SSX1: variants seen among roughly 807,000 people sequenced by gnomAD.
The protein encoded by SSX1 is SSX family member 1.
In SSX1, 58 loss-of-function variants were observed where a neutral mutation model predicts 14.6. The observed-to-expected ratio is 3.96, with a 90% CI of 3.21 to 4.93. The LOEUF (loss-of-function observed/expected upper bound fraction) is 4.93, where lower values mean the gene tolerates loss of function less well. SSX1 is among the 30% of genes most tolerant of loss of function. The pLI is 0.00. For synonymous variants in SSX1, 46 were observed against 52.1 expected (o/e 0.88, Z 0.50); for missense variants, 272 against 143.1 (o/e 1.90, Z -4.60).
intron 5 of SSX1, among the ~76,000 whole-genome samples, chrX:48,262,038 A>C (rs1556935569): frequency 2.7e-5 from 3 of 112,067 alleles, no homozygotes; most frequent in Non-Finnish European, 3.8e-5. Context: ...TAAGCAGTTC[A>C]CATGGATTAA....
At chrX:48,263,673 G>A (rs782236819) in intron 5 of SSX1, 109 bp from the exon 6 acceptor site, 129 of 1,059,059 alleles carry the variant, frequency 1.2e-4, no homozygotes, top group South Asian at 1.2e-3. Flanking sequence ...CTCTCCCCGC[G>A]TTGTTGAGAA....
At chrX:48,266,038 G>A (rs1436611405) in intron 6 of SSX1, among the ~76,000 whole-genome samples, 2 of 111,874 alleles carry the variant, frequency 1.8e-5, no homozygotes, top group African/African-American at 3.2e-5. Flanking sequence ...GAATGTTCCC[G>A]TAAGTGAAGA....
At chrX:48,259,541 G>A (rs137952376) in intron 4 of SSX1, among the ~76,000 whole-genome samples, 66 of 110,536 alleles carry the variant, frequency 6.0e-4, no homozygotes, top group African/African-American at 1.6e-3. Context: ...ATGCTGGTGC[G>A]CTGCACCCAT....
chrX:48,267,350 A>G lies in SSX1; in HGVS notation c.*501A>G, dbSNP rs1422100771. 1 of 192,094 alleles carries G rather than the reference A, an allele frequency of 5.2e-6. No individual in the cohort carries two copies. The highest frequency in any genetic ancestry group is 6.9e-5 in the Admixed American group (1 of 14,578). 15.8% of individuals were successfully genotyped at this position (192,094 alleles called of 1,213,427 possible). A position where few individuals can be genotyped will look rare whatever the true frequency, so the allele number is the denominator to read the frequency against. The stretch of plus-strand genomic sequence containing the variant: ...TTCCCATTGCCATGCGTCCTGGTCA[A>G]GCCCCCCTCACTCTGTTTCCTGTTC... On this transcript the variant is annotated 3_prime_UTR_variant, in exon 8 of 8. Coordinates refer to ENST00000376919, the MANE Select transcript of SSX1 (RefSeq NM_005635.4).
intron 6 of SSX1, 46 bp from the exon 7 acceptor site, chrX:48,266,241 T>A: frequency 3.3e-6 from 4 of 1,209,430 alleles, no homozygotes; most frequent in Non-Finnish European, 4.5e-6. Flanking sequence ...AGCCTAACAC[T>A]CTTCAACGTA....
At chrX:48,265,479 A>G (rs2059619587) in intron 6 of SSX1, among the ~76,000 whole-genome samples, 1 of 111,773 alleles carries the variant, frequency 8.9e-6, no homozygotes, top group Non-Finnish European at 1.9e-5. Flanking sequence ...AGGAAAAGAG[A>G]TGGGGAAGAG....
chrX:48,263,991 G>T (rs1375739104), intron 6 of SSX1, 74 bp downstream of exon 6: 16 of 1,164,665 alleles, frequency 1.4e-5, no homozygotes, highest in Non-Finnish European at 1.7e-5. Context: ...TGGGTGTGTG[G>T]CATGGATCCC....
chrX:48,262,917 C>G (rs1368035534), intron 5 of SSX1, among the ~76,000 whole-genome samples: 5 of 110,167 alleles, frequency 4.5e-5, no homozygotes, highest in Non-Finnish European at 9.5e-5. Context: ...GGGCAGATTA[C>G]GAGGTCAAGA....
At chrX:48,262,200 T>G (rs2059606415) in intron 5 of SSX1, among the ~76,000 whole-genome samples, 1 of 112,134 alleles carries the variant, frequency 8.9e-6, no homozygotes, top group South Asian at 3.7e-4. Context: ...TCCTAGTCCA[T>G]GAAATGGAAG....
intron 4 of SSX1, among the ~76,000 whole-genome samples, chrX:48,258,919 G>A (rs75777326): frequency 0.41 from 45,176 of 109,872 alleles, 7,021 homozygotes; most frequent in Non-Finnish European, 0.46. Flanking sequence ...GAGAAGGGGC[G>A]GGGGCAGGGA....
intron 6 of SSX1, among the ~76,000 whole-genome samples, chrX:48,265,000 G>A (rs2059618324): frequency 8.9e-6 from 1 of 111,771 alleles, no homozygotes; most frequent in Admixed American, 9.6e-5. Flanking sequence ...AGTTTCACAC[G>A]TTTCTTCACC....
At chrX:48,257,102 C>T (rs782760379) in intron 1 of SSX1, 120 bp from the exon 2 acceptor site, 45 of 635,019 alleles carry the variant, frequency 7.1e-5, no homozygotes, top group South Asian at 3.0e-4. Flanking sequence ...AGGTAAGCCC[C>T]GAATGGAGAA....
At chrX:48,257,453 T>C (rs1467701341) in intron 2 of SSX1, 143 bp downstream of exon 2, 9 of 1,166,622 alleles carry the variant, frequency 7.7e-6, no homozygotes, top group Non-Finnish European at 1.0e-5. Flanking sequence ...CTCCCACCTG[T>C]GTTCTGTCAT....
At chrX:48,261,137 C>T (rs2059602373) in intron 4 of SSX1, among the ~76,000 whole-genome samples, 3 of 111,910 alleles carry the variant, frequency 2.7e-5, no homozygotes, top group Admixed American at 9.5e-5. Context: ...TATTTGTTTA[C>T]TTGCTCTTCT....
Position 48,263,876 on chromosome X carries a change from C to G in SSX1, c.425C>G (p.Pro142Arg), listed in dbSNP as rs1316279154. ...AACGATGGGAAACAACTGCACCCCC[C>G]AGGAAAAGCAAATATTTCTGAGAAG... The part of the protein sequence containing the change: ...PQNDGKQLHP[P>R]GKANISEKIN... The change falls in exon 6 of 8, where the codon CCA becomes CGA. Residue 142 changes from proline (P) to arginine (R), a missense_variant. Transcript: ENST00000376919. 3.3e-6 allele frequency: 4 copies of G among 1,209,703 alleles called. No individual in the cohort carries two copies. Among genetic ancestry groups the G allele is most frequent in the Non-Finnish European group, 4.5e-6 (4 of 895,147 alleles).
At chrX:48,256,365 C>T (rs1243845552) in intron 1 of SSX1, among the ~76,000 whole-genome samples, 2 of 106,321 alleles carry the variant, frequency 1.9e-5, no homozygotes, top group African/African-American at 3.4e-5. Flanking sequence ...GTATCAACCT[C>T]GTGGGCTCAA....
intron 4 of SSX1, 105 bp from the exon 5 acceptor site, chrX:48,261,661 G>C (rs2059604168): frequency 1.1e-6 from 1 of 873,659 alleles, no homozygotes; most frequent in African/African-American, 2.0e-5. Flanking sequence ...TCAACAATGA[G>C]TGGACTCATA....
Position 48,261,780 on chromosome X carries a change from A to G in SSX1, c.295A>G (p.Met99Val). 8.3e-7 allele frequency: 1 copy of G among 1,211,486 alleles called. No individual in the cohort carries two copies. The highest frequency in any genetic ancestry group is 1.1e-6 in the Non-Finnish European group (1 of 895,169). ...NRRIQVEHPQ[M>V]TFGRLHRIIP... ...TTCTCTTTCAGTTGAACATCCTCAG[A>G]TGACTTTCGGCAGGCTCCACAGAAT... Residue 99 changes from methionine to valine, a missense_variant, in exon 5 of 8, where the codon ATG (methionine) becomes GTG (valine). Met to Val is a conservative substitution (Grantham distance 21). Coordinates refer to ENST00000376919, the MANE Select transcript of SSX1 (RefSeq NM_005635.4).
rs1310878907 is a variant in SSX1 at position 48,267,273 on chromosome X, A to G, written c.*424A>G. 123 of 213,437 alleles carry G rather than the reference A, an allele frequency of 5.8e-4. 1 individual carries two copies. Among genetic ancestry groups the G allele is most frequent in the Non-Finnish European group, 8.7e-4 (105 of 120,273 alleles). The allele number at this position is 213,437 out of a possible 1,213,427, so 17.6% of individuals were successfully genotyped here. On this transcript the variant is annotated 3_prime_UTR_variant, in exon 8 of 8. Coordinates refer to ENST00000376919, the MANE Select transcript of SSX1 (RefSeq NM_005635.4). ...TCTGCATTTACACACACACACACAC[A>G]CACACGCACACACACACACCAAGTA...
Sources: gnomAD v4.1 joint callset for allele counts (sites outside exome capture counted in the v4.1 genomes callset) on GRCh38, gnomAD v4.1.1 for gene constraint, MANE v1.5 for transcripts, NCBI Gene and HGNC (gene_info 2026-07-23, HGNC 2026-07-21) for gene names.